RYR2: variants seen among roughly 807,000 people sequenced by gnomAD.
The protein encoded by RYR2 is ryanodine receptor 2, also known as cardiac muscle ryanodine receptor-calcium release channel.
A neutral mutation model predicts 601.1 loss-of-function variants in RYR2; 227 were observed. The observed-to-expected ratio is 0.38, with a 90% CI of 0.34 to 0.42. The LOEUF is 0.42. Ranked by LOEUF, RYR2 falls within the 10% of genes least tolerant of loss-of-function variation. The probability of loss-of-function intolerance (pLI) is 1.00; values close to 1 mark genes in which losing one functional copy is unlikely to be tolerated. For missense variants in RYR2, 4,646 were observed against 6,156.5 expected, an observed-to-expected ratio of 0.75 and a Z score of 8.21; for synonymous variants, 2,223 against 2,175.1, an observed-to-expected ratio of 1.02 and a Z score of -0.61.
chr1:237,045,886 T>C (rs1355284159), intron 1 of RYR2, among the ~76,000 whole-genome samples: 14 of 148,208 alleles, frequency 9.4e-5, no homozygotes, highest in Non-Finnish European at 1.6e-4. Flanking sequence ...TTTTTTTTTT[T>C]TTTTTTTTTG....
At chr1:237,753,281 C>T (rs1370322082) in intron 80 of RYR2, among the ~76,000 whole-genome samples, 1 of 152,120 alleles carries the variant, frequency 6.6e-6, no homozygotes, top group African/African-American at 2.4e-5. Flanking sequence ...ATTGTAATTC[C>T]CCTTATTTCA....
intron 25 of RYR2, among the ~76,000 whole-genome samples, chr1:237,547,734 A>T (rs555715605): frequency 6.6e-6 from 1 of 152,238 alleles, no homozygotes; most frequent in Non-Finnish European, 1.5e-5. Flanking sequence ...TCTTCCAACG[A>T]TTACAACTTA....
Position 237,614,912 on chromosome 1 carries a change from GTTTC to G in RYR2, c.5715+75_5715+78del. 3 of 1,416,282 alleles carry G rather than the reference GTTTC, an allele frequency of 2.1e-6. No individual in the cohort carries two copies. The highest frequency in any genetic ancestry group is 2.8e-6 in the Non-Finnish European group (3 of 1,055,436). The allele number at this position is 1,416,282 out of a possible 1,614,324, so 87.7% of individuals were successfully genotyped here. A position where few individuals can be genotyped will look rare whatever the true frequency, so the allele number is the denominator to read the frequency against. On this transcript the variant is annotated intron_variant, in intron 37 of 104. Coordinates refer to ENST00000366574, the MANE Select transcript of RYR2 (RefSeq NM_001035.3). This position sits in a 1 kb window ranked among gnomAD's most constrained non-coding sequence, Gnocchi z 4.3. Reference sequence around the variant, plus strand: ...CATTAAGGTATTAGAACATGCCTTTGTTTCTTTCTCTGTGTGTGTGTTTATTTCT... The same window carrying G: ...CATTAAGGTATTAGAACATGCCTTTGTTTCTCTGTGTGTGTGTTTATTTCT...
Position 237,454,398 on chromosome 1 carries a change from G to A in RYR2, c.1300G>A (p.Asp434Asn), listed in dbSNP as rs1658551806. 4 of 1,605,876 alleles carry A rather than the reference G, an allele frequency of 2.5e-6. No homozygotes were observed. In the South Asian group the frequency reaches 4.5e-5, roughly 18 times the overall value. The change falls in exon 15 of 105, where the codon GAT (aspartate) becomes AAT (asparagine). Residue 434 changes from aspartate (D) to asparagine (N), a missense_variant. By Grantham distance (23) the Asp-to-Asn change is conservative. Coordinates refer to ENST00000366574, the MANE Select transcript of RYR2 (RefSeq NM_001035.3). ...GTTTATGGTTTATTTTAGGGGCCTT[G>A]ATGCTCTCAGCAAGAAAGCGAAGGC... ...FLFNRFIRGL[D>N]ALSKKAKAST... is the part of the protein sequence containing the mutation.
At chr1:237,817,539 A>G (rs1661967617) in intron 100 of RYR2, among the ~76,000 whole-genome samples, 1 of 152,220 alleles carries the variant, frequency 6.6e-6, no homozygotes, top group Admixed American at 6.5e-5. Flanking sequence ...TAGACACCAA[A>G]AAATAAGCAA....
Position 237,784,500 on chromosome 1 carries a change from G to A in RYR2, c.12788G>A (p.Ser4263Asn), listed in dbSNP as rs548463681. ...LTLMRMLSLK[S>N]LKKQMKKVKK... Reference sequence around the variant, plus strand: ...CTTATGCGAATGCTCAGTCTGAAGAGCCTGAAGAAGCAGATGAAAAAAGTA... The same window carrying A: ...CTTATGCGAATGCTCAGTCTGAAGAACCTGAAGAAGCAGATGAAAAAAGTA... Residue 4263 changes from serine to asparagine, a missense_variant, in exon 90 of 105, where the codon AGC (serine) becomes AAC (asparagine). By Grantham distance (46) the Ser-to-Asn change is conservative. Around this residue, in one of 17 missense-constraint regions of RYR2, gnomAD observed 364 missense variants for 442.9 expected, o/e 0.82. Transcript: ENST00000366574. The surrounding 1 kb of genome is among the most constrained non-coding windows in gnomAD (Gnocchi z 7.1). 6.2e-7 allele frequency: 1 copy of A among 1,613,658 alleles called. No individual in the cohort carries two copies. The highest frequency in any genetic ancestry group is 2.2e-5 in the East Asian group (1 of 44,828).
At chr1:237,529,882 A>C (rs1436126070) in intron 24 of RYR2, among the ~76,000 whole-genome samples, 1 of 151,994 alleles carries the variant, frequency 6.6e-6, no homozygotes, top group African/African-American at 2.4e-5. Flanking sequence ...TAGAGGAAGG[A>C]AACAGAATTA....
intron 32 of RYR2, among the ~76,000 whole-genome samples, chr1:237,592,133 T>C (rs1353144725): frequency 1.3e-5 from 2 of 152,220 alleles, no homozygotes; most frequent in Non-Finnish European, 2.9e-5. Context: ...CCCTTGAATT[T>C]TTCAACTACA....
At chr1:237,544,084 G>A (rs1463220568) in intron 25 of RYR2, among the ~76,000 whole-genome samples, 1 of 152,046 alleles carries the variant, frequency 6.6e-6, no homozygotes, top group Non-Finnish European at 1.5e-5. Context: ...TCTCAATGTT[G>A]TTGTTTTATT....
At position 237,783,785 on chromosome 1, in the gene RYR2, G is replaced by A; in HGVS notation, c.12073G>A (p.Asp4025Asn). The change falls in exon 90 of 105, where the codon GAT (aspartate) becomes AAT (asparagine). Residue 4025 changes from aspartate to asparagine, a missense_variant. Asp to Asn is a conservative substitution (Grantham distance 23, BLOSUM62 1). This residue lies in a region of RYR2 where 66 missense variants were observed against 80.7 expected (regional missense o/e 0.82). Transcript: ENST00000366574. ...KFFDMFLKLKDLTSSDTFKEY... is the reference protein window; with the variant it reads ...KFFDMFLKLKNLTSSDTFKEY... ...TTTTGACATGTTCTTAAAACTAAAG[G>A]ATTTGACGTCGTCTGATACTTTTAA... 6.2e-7 allele frequency: 1 copy of A among 1,613,286 alleles called. No homozygotes were observed. The highest frequency in any genetic ancestry group is 8.5e-7 in the Non-Finnish European group (1 of 1,179,590).
chr1:237,799,095 A>AAACTT (rs1165855559), intron 97 of RYR2, among the ~76,000 whole-genome samples: 1 of 152,192 alleles, frequency 6.6e-6, no homozygotes, highest in African/African-American at 2.4e-5. Context: ...ATCTATCTGA[A>AAACTT]AACTTATTAA....
At chr1:237,067,006 A>G (rs1008530278) in intron 1 of RYR2, among the ~76,000 whole-genome samples, 21 of 152,176 alleles carry the variant, frequency 1.4e-4, no homozygotes, top group Non-Finnish European at 2.5e-4. Context: ...TTTATAAAAA[A>G]TGCTGAATTT....
At chr1:237,386,860 T>C (rs946251996) in intron 8 of RYR2, among the ~76,000 whole-genome samples, 2 of 152,202 alleles carry the variant, frequency 1.3e-5, no homozygotes, top group Admixed American at 6.5e-5. Context: ...AAGGACTTCA[T>C]AAAATGAAGA....
At position 237,649,915 on chromosome 1, in the gene RYR2, T is replaced by G; in HGVS notation, c.7551T>G (p.Asn2517Lys). Residue 2517 changes from asparagine (N) to lysine (K), a missense_variant, in exon 50 of 105, where the codon AAT (asparagine) becomes AAG (lysine). Asn to Lys is a moderately conservative substitution (Grantham distance 94, BLOSUM62 0). Coordinates refer to ENST00000366574, the MANE Select transcript of RYR2 (RefSeq NM_001035.3). The stretch of plus-strand genomic sequence containing the variant: ...CTACAGACATGGCCTTGGCCCTCAA[T>G]CGGTACCTTTGCACAGCCGTCTTGC... ...LSATDMALAL[N>K]RYLCTAVLPL... is the part of the protein sequence containing the mutation. 3.7e-6 allele frequency: 6 copies of G among 1,613,954 alleles called. No individual in the cohort carries two copies. Among genetic ancestry groups the G allele is most frequent in the Non-Finnish European group, 5.1e-6 (6 of 1,179,884 alleles).
intron 1 of RYR2, among the ~76,000 whole-genome samples, chr1:237,224,556 G>A (rs936174909): frequency 6.6e-6 from 1 of 152,082 alleles, no homozygotes; most frequent in Non-Finnish European, 1.5e-5. Flanking sequence ...CTTTACATAT[G>A]TTAATAATTA....
chr1:237,314,298 T>C (rs574548154), intron 2 of RYR2, among the ~76,000 whole-genome samples: 1 of 152,074 alleles, frequency 6.6e-6, no homozygotes, highest in Non-Finnish European at 1.5e-5. Context: ...TCTCCTGACC[T>C]CATGATCCAC....
chr1:237,307,739 C>G (rs1694018880), intron 2 of RYR2, among the ~76,000 whole-genome samples: 1 of 152,126 alleles, frequency 6.6e-6, no homozygotes, highest in Non-Finnish European at 1.5e-5. Context: ...GCTCTCAGGC[C>G]TAAACCCAGT....
rs925257896 is a variant in RYR2 at position 237,133,910 on chromosome 1, G to A, written c.48+91341G>A. ...ATTGCACTCCAGCCTGGGTGACAGAGCAAGACTCCGTCTCAAAAAAAAAAA... is the reference window on the plus strand; with the variant it reads ...ATTGCACTCCAGCCTGGGTGACAGAACAAGACTCCGTCTCAAAAAAAAAAA... On this transcript the variant is annotated intron_variant, in intron 1 of 104. Transcript: ENST00000366574. Among the ~76,000 whole-genome samples the A allele has an allele frequency of 1.8e-4, 20 of 108,214 alleles. No individual in the cohort carries two copies. The Admixed American group carries it at 2.4e-3, about 13-fold the overall frequency. 71.0% of individuals were successfully genotyped at this position (108,214 alleles called of 152,430 possible).
At chr1:237,534,774 T>A (rs1354400124) in intron 25 of RYR2, among the ~76,000 whole-genome samples, 2 of 152,064 alleles carry the variant, frequency 1.3e-5, no homozygotes, top group Non-Finnish European at 2.9e-5. Flanking sequence ...TATACTCTTA[T>A]AAATGGATGA....
Sources: allele counts gnomAD v4.1 joint callset (sites outside exome capture counted in the v4.1 genomes callset), GRCh38; gene constraint gnomAD v4.1.1; regional missense constraint gnomAD v4.1.1; non-coding constraint Gnocchi (gnomAD v3.1); transcripts MANE v1.5; gene names NCBI Gene and HGNC (gene_info 2026-07-23, HGNC 2026-07-21).